AP1S3: variants seen among roughly 807,000 people sequenced by gnomAD.
AP1S3 encodes AP-1 complex subunit sigma-3.
Under a neutral mutation model 20.9 loss-of-function variants are expected in AP1S3, and 10 were observed. The observed-to-expected ratio is 0.48, with a 90% CI of 0.29 to 0.81. The LOEUF is 0.81. AP1S3 is among the 30% of genes least tolerant of loss of function. The pLI is 0.08. For synonymous variants in AP1S3, 41 were observed against 61.5 expected (o/e 0.67, Z 1.56); for missense variants, 154 against 183.8 (o/e 0.84, Z 0.94).
chr2:223,778,845 C>T lies in AP1S3; in HGVS notation c.4-976G>A, dbSNP rs190218908. Among the ~76,000 whole-genome samples the T allele has an allele frequency of 1.2e-4, 18 of 152,112 alleles. No individual in the cohort carries two copies. In the East Asian group the frequency reaches 2.7e-3, roughly 23 times the overall value. On this transcript the variant is annotated intron_variant, in intron 1 of 4. Coordinates refer to ENST00000396654, the MANE Select transcript of AP1S3 (RefSeq NM_001039569.2). The stretch of plus-strand genomic sequence containing the variant: ...CCAAGTAGCTGAGATTACACATGCA[C>T]GCCACCATGCTCAGCTAATTTTGCT...
chr2:223,786,179 C>T (rs763442127), intron 1 of AP1S3, among the ~76,000 whole-genome samples: 2 of 152,182 alleles, frequency 1.3e-5, no homozygotes, highest in Non-Finnish European at 2.9e-5. Flanking sequence ...CTCCTAGCTA[C>T]ACAACTAAGA....
intron 1 of AP1S3, among the ~76,000 whole-genome samples, chr2:223,778,544 A>T (rs1355987022): frequency 6.6e-6 from 1 of 152,218 alleles, no homozygotes. Flanking sequence ...AAAAAGTGTT[A>T]AGAACAACAG....
At chr2:223,766,020 T>C (rs1373139654) in intron 3 of AP1S3, among the ~76,000 whole-genome samples, 1 of 152,142 alleles carries the variant, frequency 6.6e-6, no homozygotes, top group Non-Finnish European at 1.5e-5. Context: ...ATTTTGGTGT[T>C]TATTTAAGTG....
intron 1 of AP1S3, among the ~76,000 whole-genome samples, chr2:223,825,036 T>C (rs1197794930): frequency 6.6e-6 from 1 of 151,722 alleles, no homozygotes; most frequent in Non-Finnish European, 1.5e-5. Flanking sequence ...TCGGCCGGGC[T>C]CGGTGGCTCA....
intron 1 of AP1S3, among the ~76,000 whole-genome samples, chr2:223,780,308 T>TATAGAG (rs1690902266): frequency 1.6e-5 from 1 of 62,046 alleles, no homozygotes; most frequent in Non-Finnish European, 2.8e-5. Flanking sequence ...TATATATATA[T>TATAGAG]AGAGAGAGAG....
In AP1S3 at chr2:223,758,815, A is replaced by G. The variant is rs1690285133; in HGVS notation, c.430-65T>C. The G allele has an allele frequency of 8.2e-6, 11 of 1,348,190 alleles. No homozygotes were observed. In the East Asian group the frequency reaches 2.6e-4, roughly 32 times the overall value. 83.5% of individuals were successfully genotyped at this position (1,348,190 alleles called of 1,614,324 possible). On this transcript the variant is annotated intron_variant, in intron 4 of 4. Transcript: ENST00000396654. ...GTCACAGCCTTCCGCAGACTGTGAA[A>G]TCTTCTGCATTCTTTTATTTATTTG...
chr2:223,763,845 T>C (rs1690416844), intron 4 of AP1S3, among the ~76,000 whole-genome samples: 1 of 152,172 alleles, frequency 6.6e-6, no homozygotes, highest in African/African-American at 2.4e-5. Flanking sequence ...AATTCACACC[T>C]AATGGTGTTT....
intron 1 of AP1S3, among the ~76,000 whole-genome samples, chr2:223,783,087 A>T (rs902845195): frequency 6.6e-6 from 1 of 152,232 alleles, no homozygotes; most frequent in South Asian, 2.1e-4. Flanking sequence ...GAGCCAACTT[A>T]AATGCAAGTT....
chr2:223,776,197 G>T, intron 2 of AP1S3, 188 bp from the exon 3 acceptor site: 1 of 686,936 alleles, frequency 1.5e-6, no homozygotes. Context: ...TTCTGTGGGG[G>T]TTGGATTACT....
chr2:223,828,068 AAAAAAAAAAAAAAAAAAAAAAAAAAGAAG>A (rs1692174485), intron 1 of AP1S3, among the ~76,000 whole-genome samples: 1 of 37,926 alleles, frequency 2.6e-5, no homozygotes, highest in African/African-American at 9.3e-5. Context: ...TAAAAAAAAA[AAAAAAAAAAAAAAAAAAAAAAAAAAGAAG>A]AAGAAGAAAA....
intron 4 of AP1S3, among the ~76,000 whole-genome samples, chr2:223,763,712 G>A (rs77254431): frequency 0.065 from 9,898 of 152,162 alleles, 463 homozygotes; most frequent in East Asian, 0.17. Flanking sequence ...ATAGGCACAC[G>A]CAGCTGCTTA....
chr2:223,805,401 C>T (rs1239939839), intron 1 of AP1S3, among the ~76,000 whole-genome samples: 2 of 152,142 alleles, frequency 1.3e-5, no homozygotes, highest in Non-Finnish European at 2.9e-5. Flanking sequence ...CAAGATCGCA[C>T]CATTACACTC....
intron 1 of AP1S3, among the ~76,000 whole-genome samples, chr2:223,803,503 G>T (rs1691513305): frequency 6.6e-6 from 1 of 152,138 alleles, no homozygotes; most frequent in Admixed American, 6.6e-5. Context: ...AACGAAAATT[G>T]TTCTTAAAAG....
intron 3 of AP1S3, among the ~76,000 whole-genome samples, chr2:223,769,107 T>C (rs908968454): frequency 3.3e-5 from 5 of 152,216 alleles, no homozygotes; most frequent in African/African-American, 9.6e-5. Flanking sequence ...ACTGGGGGTA[T>C]ATCACAGTTT....
intron 1 of AP1S3, among the ~76,000 whole-genome samples, chr2:223,815,235 A>G (rs1168578819): frequency 6.6e-6 from 1 of 152,264 alleles, no homozygotes; most frequent in African/African-American, 2.4e-5. Flanking sequence ...ACTTTTTGGC[A>G]TCAAACCAAG....
chr2:223,777,917 T>C, intron 1 of AP1S3, 48 bp from the exon 2 acceptor site: 1 of 1,526,424 alleles, frequency 6.6e-7, no homozygotes, highest in South Asian at 1.2e-5. Flanking sequence ...CAAGTCACTC[T>C]GCCGTTCTGC....
intron 1 of AP1S3, among the ~76,000 whole-genome samples, chr2:223,788,117 T>C (rs1179535568): frequency 6.6e-6 from 1 of 151,924 alleles, no homozygotes; most frequent in Non-Finnish European, 1.5e-5. Flanking sequence ...TGGCTCATTT[T>C]TGTATTTTTA....
At chr2:223,760,025 TA>T (rs952670720) in intron 4 of AP1S3, among the ~76,000 whole-genome samples, 6 of 151,296 alleles carry the variant, frequency 4.0e-5, no homozygotes, top group African/African-American at 7.3e-5. Context: ...TTTCAGCATT[TA>T]AAAAAAAATG....
chr2:223,790,646 TGAAA>T (rs1198993787), intron 1 of AP1S3, among the ~76,000 whole-genome samples: 7 of 152,184 alleles, frequency 4.6e-5, no homozygotes, highest in African/African-American at 1.7e-4. Flanking sequence ...ATATATGTCC[TGAAA>T]GATAGTATAT....
Sources: allele counts gnomAD v4.1 joint callset (sites outside exome capture counted in the v4.1 genomes callset), GRCh38; gene constraint gnomAD v4.1.1; transcripts MANE v1.5; gene names NCBI Gene and HGNC (gene_info 2026-07-23, HGNC 2026-07-21).